Variants in AFF3 observed in about 807,000 individuals in gnomAD.
The protein encoded by AFF3 is ALF transcription elongation factor 3.
Under a neutral mutation model 129.7 loss-of-function variants are expected in AFF3, and 32 were observed. The observed-to-expected ratio is 0.25, with a 90% CI of 0.19 to 0.33. The LOEUF is 0.33. AFF3 is among the 10% of genes least tolerant of loss of function. The pLI is 1.00. For synonymous variants in AFF3, 644 were observed against 635.4 expected, an observed-to-expected ratio of 1.01 and a Z score of -0.20; for missense variants, 1,373 against 1,592.0, an observed-to-expected ratio of 0.86 and a Z score of 2.34.
chr2:99,715,198 TCTC>T (rs1314016385), intron 11 of AFF3, among the ~76,000 whole-genome samples: 1 of 152,214 alleles, frequency 6.6e-6, no homozygotes, highest in Non-Finnish European at 1.5e-5. Flanking sequence ...ACTCAGTCTT[TCTC>T]CTCCTCAGCC....
chr2:99,719,050 C>CTTTTTT (rs554515502), intron 11 of AFF3, among the ~76,000 whole-genome samples: 5 of 108,174 alleles, frequency 4.6e-5, no homozygotes, highest in East Asian at 5.4e-4. Context: ...CGCGCCCGGC[C>CTTTTTT]TTTTTTTTTT....
At chr2:100,095,263 C>T (rs754158221) in intron 4 of AFF3, among the ~76,000 whole-genome samples, 4 of 152,136 alleles carry the variant, frequency 2.6e-5, no homozygotes, top group Non-Finnish European at 4.4e-5. Flanking sequence ...GCTTATCTTA[C>T]TACGGGCCTG....
At chr2:99,785,256 TC>T (rs1435953925) in intron 8 of AFF3, among the ~76,000 whole-genome samples, 1 of 152,168 alleles carries the variant, frequency 6.6e-6, no homozygotes, top group East Asian at 1.9e-4. Context: ...GCAAGTGAAA[TC>T]GAGAATTACA....
At chr2:99,576,123 T>A (rs1343800097) in intron 18 of AFF3, among the ~76,000 whole-genome samples, 3 of 151,354 alleles carry the variant, frequency 2.0e-5, no homozygotes, top group Non-Finnish European at 4.4e-5. Flanking sequence ...AGCCTCCACC[T>A]CCCAGGTTCA....
In AFF3 at chr2:99,554,689, C is replaced by A. The variant is rs763781959; in HGVS notation, c.3329G>T (p.Ser1110Ile). ...TTTGGAAAAGCGAACTTACTTTCCA[C>A]TGGCCCCCCACGGAGATGGGGCTTG... is the stretch of plus-strand genomic sequence containing the variant. ...AAQAPSPWGA[S>I]GKSTGTPSPM... Residue 1110 changes from serine (S) to isoleucine (I), a missense_variant, in exon 23 of 25, where the codon AGT (serine) becomes ATT (isoleucine). By Grantham distance (142) the Ser-to-Ile change is moderately radical. Transcript: ENST00000672756. 2 of 1,614,096 alleles carry A rather than the reference C, an allele frequency of 1.2e-6. No individual in the cohort carries two copies. The highest frequency in any genetic ancestry group is 2.7e-5 in the African/African-American group (2 of 74,934).
intron 7 of AFF3, among the ~76,000 whole-genome samples, chr2:99,896,619 G>GTTTTTTT (rs1558955546): frequency 2.3e-5 from 1 of 44,188 alleles, no homozygotes; most frequent in Non-Finnish European, 5.2e-5. Flanking sequence ...CTGTCAAAAT[G>GTTTTTTT]CTTTTTTTTT....
chr2:99,717,661 C>T (rs1056413709), intron 11 of AFF3, among the ~76,000 whole-genome samples: 4 of 152,148 alleles, frequency 2.6e-5, no homozygotes, highest in Admixed American at 6.5e-5. Context: ...TCTCCCGGTT[C>T]GCAGCTTGAC....
chr2:99,743,483 G>T (rs962230794), intron 10 of AFF3, among the ~76,000 whole-genome samples: 1 of 152,196 alleles, frequency 6.6e-6, no homozygotes, highest in Non-Finnish European at 1.5e-5. Flanking sequence ...GGTAGCTTAT[G>T]AATTTTTAAT....
chr2:99,907,044 C>T (rs912325148), intron 7 of AFF3, among the ~76,000 whole-genome samples: 3 of 152,144 alleles, frequency 2.0e-5, no homozygotes, highest in African/African-American at 7.2e-5. Flanking sequence ...TACTACATGC[C>T]AGGCAATTAC....
chr2:99,670,148 C>T (rs750892051), intron 12 of AFF3, among the ~76,000 whole-genome samples: 2 of 152,130 alleles, frequency 1.3e-5, no homozygotes, highest in African/African-American at 4.8e-5. Flanking sequence ...GAAGTGGGGC[C>T]GCTGTGCTCT....
intron 8 of AFF3, among the ~76,000 whole-genome samples, chr2:99,807,581 T>C (rs912690838): frequency 1.3e-5 from 2 of 152,218 alleles, no homozygotes; most frequent in African/African-American, 4.8e-5. Flanking sequence ...GCTGTGATCT[T>C]AGTCCTGAAA....
At chr2:99,661,489 A>G (rs1371275906) in intron 12 of AFF3, among the ~76,000 whole-genome samples, 2 of 152,226 alleles carry the variant, frequency 1.3e-5, no homozygotes, top group Non-Finnish European at 2.9e-5. Context: ...TGGTTTTTAT[A>G]TAATTTTCTT....
At chr2:99,741,367 A>T (rs1575839030) in intron 10 of AFF3, among the ~76,000 whole-genome samples, 3 of 152,328 alleles carry the variant, frequency 2.0e-5, no homozygotes, top group Non-Finnish European at 2.9e-5. Flanking sequence ...CAACTTCAGC[A>T]AAGTCTCAGG....
intron 12 of AFF3, among the ~76,000 whole-genome samples, chr2:99,665,453 C>A (rs1292200385): frequency 1.3e-5 from 2 of 152,178 alleles, no homozygotes; most frequent in Admixed American, 6.5e-5. Context: ...AGTTTCTAGG[C>A]TGGAACAGCT....
chr2:99,598,478 T>C (rs1009666951), intron 14 of AFF3, among the ~76,000 whole-genome samples: 1 of 152,156 alleles, frequency 6.6e-6, no homozygotes, highest in African/African-American at 2.4e-5. Context: ...GGCATTACCA[T>C]ACTACAGTGA....
chr2:99,722,891 T>G (rs548145245), intron 11 of AFF3, among the ~76,000 whole-genome samples: 4 of 152,284 alleles, frequency 2.6e-5, no homozygotes, highest in South Asian at 2.1e-4. Flanking sequence ...GAGTTCTAAT[T>G]GTTCTTTGTG....
intron 7 of AFF3, among the ~76,000 whole-genome samples, chr2:99,948,227 T>C (rs1458291559): frequency 3.3e-5 from 5 of 152,118 alleles, no homozygotes; most frequent in Admixed American, 2.0e-4. Flanking sequence ...GTTCACTGCA[T>C]GTCATGACTG....
chr2:99,806,380 G>T (rs1358705181), intron 8 of AFF3, among the ~76,000 whole-genome samples: 1 of 152,178 alleles, frequency 6.6e-6, no homozygotes, highest in Non-Finnish European at 1.5e-5. Flanking sequence ...CATGTTCCAG[G>T]AAAAGGGCAG....
intron 7 of AFF3, among the ~76,000 whole-genome samples, chr2:99,926,998 A>C (rs1234414057): frequency 6.6e-6 from 1 of 152,144 alleles, no homozygotes; most frequent in Admixed American, 6.6e-5. Context: ...TGAGACCAGC[A>C]ATCTCACACA....
Sources: gnomAD v4.1 joint callset for allele counts (sites outside exome capture counted in the v4.1 genomes callset) on GRCh38, gnomAD v4.1.1 for gene constraint, MANE v1.5 for transcripts, NCBI Gene and HGNC (gene_info 2026-07-23, HGNC 2026-07-21) for gene names.